Variants in ASIC2 observed in about 807,000 individuals in gnomAD.
ASIC2 encodes the protein acid-sensing ion channel 2.
ASIC2 carries 25 observed loss-of-function variants against 57.3 expected under a neutral mutation model. The observed-to-expected ratio is 0.44, with a 90% CI of 0.32 to 0.61. The LOEUF is 0.61. Ranked by LOEUF, ASIC2 falls within the 20% of genes least tolerant of loss-of-function variation. The probability of loss-of-function intolerance (pLI) is 0.06; values close to 1 mark genes in which losing one functional copy is unlikely to be tolerated. For missense variants in ASIC2, 641 were observed against 738.1 expected (o/e 0.87, Z 1.52); for synonymous variants, 319 against 307.5 (o/e 1.04, Z -0.39).
chr17:33,779,967 CTTTTTTTTT>C (rs759850922), intron 1 of ASIC2, among the ~76,000 whole-genome samples: 3 of 85,186 alleles, frequency 3.5e-5, no homozygotes, highest in Non-Finnish European at 6.3e-5. Context: ...CTACAGAAGC[CTTTTTTTTT>C]TTTTTTTTTT....
intron 1 of ASIC2, among the ~76,000 whole-genome samples, chr17:33,426,800 A>G (rs1365678236): frequency 6.6e-6 from 1 of 152,240 alleles, no homozygotes; most frequent in Non-Finnish European, 1.5e-5. Context: ...AGTGGAAATA[A>G]GCAAGTAATC....
intron 1 of ASIC2, chr17:34,004,177 G>A (rs753447220): frequency 1.3e-5 from 2 of 151,344 alleles, no homozygotes; most frequent in Non-Finnish European, 2.9e-5. Context: ...AGTAAAGTAT[G>A]GGAGATGGGA....
At chr17:33,712,259 G>A (rs1027572581) in intron 1 of ASIC2, among the ~76,000 whole-genome samples, 1 of 152,150 alleles carries the variant, frequency 6.6e-6, no homozygotes, top group African/African-American at 2.4e-5. Context: ...TAATGTAGAG[G>A]CTTGATGTTT....
intron 1 of ASIC2, among the ~76,000 whole-genome samples, chr17:33,906,029 T>TG (rs1597924572): frequency 7.2e-6 from 1 of 138,538 alleles, no homozygotes; most frequent in East Asian, 2.2e-4. Flanking sequence ...TTTTTTTTTT[T>TG]GTAGAGACAA....
chr17:34,087,990 C>G (rs1910174620), intron 1 of ASIC2, among the ~76,000 whole-genome samples: 1 of 152,108 alleles, frequency 6.6e-6, no homozygotes, highest in African/African-American at 2.4e-5. Context: ...TTTGAATTTC[C>G]TCCTGTAGCT....
chr17:33,187,888 C>T (rs941856819), intron 1 of ASIC2, among the ~76,000 whole-genome samples: 1 of 84,868 alleles, frequency 1.2e-5, no homozygotes, highest in African/African-American at 4.7e-5. Context: ...GACAGCCAAT[C>T]AAAAATGGTC....
At chr17:34,086,538 G>C in intron 1 of ASIC2, among the ~76,000 whole-genome samples, 1 of 152,114 alleles carries the variant, frequency 6.6e-6, no homozygotes, top group Non-Finnish European at 1.5e-5. Flanking sequence ...GGAGAGTTCT[G>C]TAGATGTCTA....
chr17:33,397,747 A>T (rs1024576649), intron 1 of ASIC2, among the ~76,000 whole-genome samples: 3 of 152,218 alleles, frequency 2.0e-5, no homozygotes, highest in Admixed American at 2.0e-4. Flanking sequence ...GCAACAAGAA[A>T]GCTCAGGGCA....
chr17:33,977,839 C>T (rs1479545018), intron 1 of ASIC2, among the ~76,000 whole-genome samples: 1 of 152,196 alleles, frequency 6.6e-6, no homozygotes, highest in African/African-American at 2.4e-5. Context: ...TACAGGACTC[C>T]TGCACCCTGT....
intron 1 of ASIC2, among the ~76,000 whole-genome samples, chr17:33,412,660 T>G (rs1314568554): frequency 6.6e-6 from 1 of 152,202 alleles, no homozygotes; most frequent in East Asian, 1.9e-4. Context: ...GCTGGATATA[T>G]GCCTATCTTG....
intron 1 of ASIC2, among the ~76,000 whole-genome samples, chr17:33,827,304 G>C (rs1046828775): frequency 1.4e-5 from 2 of 147,130 alleles, no homozygotes; most frequent in African/African-American, 5.0e-5. Flanking sequence ...CTTTACTTTA[G>C]ACCCATAGGA....
chr17:34,065,923 T>A lies in ASIC2; in HGVS notation c.555+90055A>T, dbSNP rs183638180. ...CAGCCCCTCTTCTAACACCTTTGCA[T>A]CCTAGAAACTTATTTAATCCACCAA... On this transcript the variant is annotated intron_variant, in intron 1 of 9. Coordinates refer to the ASIC2 transcript ENST00000359872. Among the ~76,000 whole-genome samples, 23 of 152,184 alleles carry A rather than the reference T, an allele frequency of 1.5e-4. 1 individual carries two copies. The East Asian group carries it at 2.7e-3, about 18-fold the overall frequency.
chr17:33,797,189 T>C (rs993652660), intron 1 of ASIC2, among the ~76,000 whole-genome samples: 2 of 152,104 alleles, frequency 1.3e-5, no homozygotes, highest in Non-Finnish European at 2.9e-5. Context: ...AGGGAAAGTT[T>C]TAGAGTGAAG....
chr17:33,639,225 T>A (rs1342053806), intron 1 of ASIC2, among the ~76,000 whole-genome samples: 6 of 151,974 alleles, frequency 3.9e-5, no homozygotes, highest in Non-Finnish European at 5.9e-5. Flanking sequence ...AAGCAATGTG[T>A]GTGGAAGCAC....
chr17:33,191,714 C>T (rs1298597682), intron 1 of ASIC2, among the ~76,000 whole-genome samples: 1 of 152,140 alleles, frequency 6.6e-6, no homozygotes, highest in Non-Finnish European at 1.5e-5. Context: ...TCTCCTAATG[C>T]CCCATGTGAT....
intron 1 of ASIC2, among the ~76,000 whole-genome samples, chr17:33,312,426 C>G (rs1906467364): frequency 6.6e-6 from 1 of 152,134 alleles, no homozygotes. Context: ...GTTCTTCTCT[C>G]AAAGCACAGT....
At chr17:33,850,521 T>A (rs1383298742) in intron 1 of ASIC2, among the ~76,000 whole-genome samples, 2 of 152,150 alleles carry the variant, frequency 1.3e-5, no homozygotes, top group African/African-American at 2.4e-5. Flanking sequence ...GAGCCAACAA[T>A]AGCAAATAGA....
At chr17:33,541,644 C>A (rs1203362236) in intron 1 of ASIC2, among the ~76,000 whole-genome samples, 1 of 152,156 alleles carries the variant, frequency 6.6e-6, no homozygotes, top group Non-Finnish European at 1.5e-5. Flanking sequence ...CTTCCACTTT[C>A]TCAGGACTTT....
At chr17:33,906,011 A>ATTTTTT (rs72050716) in intron 1 of ASIC2, among the ~76,000 whole-genome samples, 1 of 132,530 alleles carries the variant, frequency 7.5e-6, no homozygotes, top group Non-Finnish European at 1.6e-5. Flanking sequence ...TTTTAATTAA[A>ATTTTTT]TTTTTTTTTT....
Sources: allele counts gnomAD v4.1 joint callset (sites outside exome capture counted in the v4.1 genomes callset), GRCh38; gene constraint gnomAD v4.1.1; transcripts MANE v1.5; gene names NCBI Gene and HGNC (gene_info 2026-07-23, HGNC 2026-07-21).